SATB2: variants seen among roughly 807,000 people sequenced by gnomAD.
SATB2 encodes the protein SATB homeobox 2, also known as DNA-binding protein SATB2.
SATB2 carries 1 observed loss-of-function variant against 73.4 expected under a neutral mutation model. The ratio of observed to expected loss-of-function variants is 0.01; its 90% CI spans 0.00 to 0.06. The LOEUF (loss-of-function observed/expected upper bound fraction) is 0.06, where lower values mean the gene tolerates loss of function less well. SATB2 is among the 10% of genes least tolerant of loss of function. The probability of loss-of-function intolerance (pLI) is 1.00; values close to 1 mark genes in which losing one functional copy is unlikely to be tolerated. For missense variants in SATB2, 459 were observed against 945.8 expected (o/e 0.49, Z 6.75); for synonymous variants, 397 against 367.0 (o/e 1.08, Z -0.93).
At chr2:199,281,024 TTC>T (rs1462962439) in intron 10 of SATB2, among the ~76,000 whole-genome samples, 1 of 152,124 alleles carries the variant, frequency 6.6e-6, no homozygotes, top group Non-Finnish European at 1.5e-5. Context: ...GCTTTAAAAT[TTC>T]TCTCTTTGTA....
At chr2:199,377,008 A>G (rs1407760959) in intron 5 of SATB2, among the ~76,000 whole-genome samples, 5 of 152,240 alleles carry the variant, frequency 3.3e-5, no homozygotes. Context: ...ATCTCCCTAA[A>G]GAACCAATCT....
chr2:199,378,020 A>T (rs763921226), intron 5 of SATB2, among the ~76,000 whole-genome samples: 3 of 152,218 alleles, frequency 2.0e-5, no homozygotes, highest in African/African-American at 7.2e-5. Context: ...TATGTGAAAC[A>T]TGCAAATACA....
intron 4 of SATB2, 133 bp downstream of exon 4, chr2:199,381,561 C>T: frequency 7.8e-7 from 1 of 1,278,270 alleles, no homozygotes; most frequent in Non-Finnish European, 1.1e-6. Flanking sequence ...TCCTTCTTTC[C>T]CTCTCTCTCC....
chr2:199,283,265 T>G (rs1405808193), intron 10 of SATB2, among the ~76,000 whole-genome samples: 1 of 147,352 alleles, frequency 6.8e-6, no homozygotes, highest in Non-Finnish European at 1.5e-5. Context: ...TTTTTTTTTG[T>G]ATTTTTTGTA....
rs973591344 is a variant in SATB2 at position 199,307,482 on chromosome 2, G to A, written c.1740+1278C>T. ...GGGAAAGGGGAGGATGGGTCCTGAAGGGTGAGTATGTGCTGTGTACCCTCA... is the reference window on the plus strand; with the variant it reads ...GGGAAAGGGGAGGATGGGTCCTGAAAGGTGAGTATGTGCTGTGTACCCTCA... On this transcript the variant is annotated intron_variant, in intron 10 of 10. Transcript: ENST00000417098. Among the ~76,000 whole-genome samples, 45 of 152,128 alleles carry A rather than the reference G, an allele frequency of 3.0e-4. 1 individual carries two copies. The highest frequency in any genetic ancestry group is 6.5e-4 in the Admixed American group (10 of 15,270).
At chr2:199,350,966 G>T (rs1337196336) in intron 6 of SATB2, among the ~76,000 whole-genome samples, 1 of 146,790 alleles carries the variant, frequency 6.8e-6, no homozygotes, top group African/African-American at 2.5e-5. Context: ...AGAGGCAAAG[G>T]TTGCAGTGAG....
intron 7 of SATB2, among the ~76,000 whole-genome samples, chr2:199,332,394 C>T (rs1293466804): frequency 6.6e-6 from 1 of 152,066 alleles, no homozygotes; most frequent in Non-Finnish European, 1.5e-5. Context: ...TTGGCCTTTT[C>T]CATAGCCTAA....
intron 3 of SATB2, among the ~76,000 whole-genome samples, chr2:199,425,879 G>A (rs1487469148): frequency 1.3e-5 from 2 of 152,148 alleles, no homozygotes; most frequent in African/African-American, 4.8e-5. Context: ...ACATGCATAT[G>A]TGCACACACA....
intron 2 of SATB2, among the ~76,000 whole-genome samples, chr2:199,435,576 T>C (rs1674882120): frequency 6.6e-6 from 1 of 152,104 alleles, no homozygotes; most frequent in South Asian, 2.1e-4. Context: ...ACTCCTAACC[T>C]CAGGTGATCC....
intron 10 of SATB2, among the ~76,000 whole-genome samples, chr2:199,278,357 TAAAC>T (rs754546841): frequency 4.3e-4 from 66 of 152,138 alleles, no homozygotes; most frequent in Admixed American, 3.3e-4. Flanking sequence ...TTAAACTAAT[TAAAC>T]AAACAAACAA....
chr2:199,356,835 C>T (rs961808554), intron 6 of SATB2, among the ~76,000 whole-genome samples: 9 of 152,078 alleles, frequency 5.9e-5, no homozygotes, highest in Non-Finnish European at 1.3e-4. Flanking sequence ...ATTGGCATTT[C>T]AGGTAACACC....
intron 10 of SATB2, among the ~76,000 whole-genome samples, chr2:199,291,507 T>C (rs957942417): frequency 6.6e-6 from 1 of 152,188 alleles, no homozygotes; most frequent in African/African-American, 2.4e-5. Flanking sequence ...TTTTAAGACA[T>C]TATATAATTA....
intron 2 of SATB2, among the ~76,000 whole-genome samples, chr2:199,453,155 T>A (rs941999392): frequency 1.3e-5 from 2 of 152,114 alleles, no homozygotes; most frequent in African/African-American, 4.8e-5. Context: ...AACCAATGCA[T>A]TCAGAAGTAT....
chr2:199,315,729 C>T (rs1428031651), intron 9 of SATB2, among the ~76,000 whole-genome samples: 1 of 152,072 alleles, frequency 6.6e-6, no homozygotes, highest in Non-Finnish European at 1.5e-5. Context: ...AAGTTCATAG[C>T]CTGCTCTGAT....
rs1445800916 is a variant in SATB2 at position 199,355,340 on chromosome 2, G to GTATCTATA, written c.701-6168_701-6167insTATAGATA. On this transcript the variant is annotated intron_variant, in intron 6 of 10. Coordinates refer to ENST00000417098, the MANE Select transcript of SATB2 (RefSeq NM_001172509.2). ...TACATATGTATGTGTGTGTGTGTGT[G>GTATCTATA]TGTGTATCTATATATATATATATAT... 4.5e-3 allele frequency among the ~76,000 whole-genome samples: 63 copies of GTATCTATA among 13,854 alleles called. 3 individuals carry two copies. The highest frequency in any genetic ancestry group is 0.011 in the Admixed American group (6 of 522). 9.1% of individuals were successfully genotyped at this position (13,854 alleles called of 152,430 possible).
At chr2:199,343,649 T>C (rs570410146) in intron 7 of SATB2, among the ~76,000 whole-genome samples, 5 of 152,200 alleles carry the variant, frequency 3.3e-5, no homozygotes, top group Non-Finnish European at 7.4e-5. Flanking sequence ...CTTGATTAGG[T>C]TGGGCTTTAT....
At chr2:199,417,406 G>A (rs1691027121) in intron 3 of SATB2, among the ~76,000 whole-genome samples, 1 of 152,182 alleles carries the variant, frequency 6.6e-6, no homozygotes, top group African/African-American at 2.4e-5. Context: ...CTTTGAGGCA[G>A]TTCCACAAGT....
intron 5 of SATB2, among the ~76,000 whole-genome samples, chr2:199,375,849 C>T (rs899286710): frequency 6.6e-6 from 1 of 152,154 alleles, no homozygotes; most frequent in Non-Finnish European, 1.5e-5. Flanking sequence ...CCCAGCCCAT[C>T]GCAAAGTGCC....
intron 3 of SATB2, among the ~76,000 whole-genome samples, chr2:199,399,859 TTGGG>T (rs2105890855): frequency 6.6e-6 from 1 of 152,238 alleles, no homozygotes; most frequent in South Asian, 2.1e-4. Context: ...ACCTCCAACA[TTGGG>T]GATTATATCT....
Sources: allele counts gnomAD v4.1 joint callset (sites outside exome capture counted in the v4.1 genomes callset), GRCh38; gene constraint gnomAD v4.1.1; transcripts MANE v1.5; gene names NCBI Gene and HGNC (gene_info 2026-07-23, HGNC 2026-07-21).